DDX19A: variants seen among roughly 807,000 people sequenced by gnomAD.
DDX19A encodes ATP-dependent RNA helicase DDX19A.
Under a neutral mutation model 60.6 loss-of-function variants are expected in DDX19A, and 12 were observed. The observed-to-expected ratio is 0.20, with a 90% CI of 0.13 to 0.32. The LOEUF is 0.32. Among genes scored for constraint, DDX19A ranks in the 10% least tolerant of loss-of-function variants. DDX19A has a pLI of 1.00. For synonymous variants in DDX19A, 206 were observed against 218.2 expected (o/e 0.94, Z 0.49); for missense variants, 337 against 600.6 (o/e 0.56, Z 4.59).
At chr16:70,357,366 G>GTTGTTTTTTTTTTTTTTTTTTTTTTTT (rs1964236868) in intron 4 of DDX19A, among the ~76,000 whole-genome samples, 1 of 44,596 alleles carries the variant, frequency 2.2e-5, no homozygotes, top group African/African-American at 8.9e-5. Flanking sequence ...TTTTTGGTTT[G>GTTGTTTTTTTTTTTTTTTTTTTTTTTT]TTTTTTTTTT....
intron 5 of DDX19A, among the ~76,000 whole-genome samples, chr16:70,362,027 T>G (rs1239558556): frequency 6.7e-6 from 1 of 149,850 alleles, no homozygotes; most frequent in African/African-American, 2.5e-5. Context: ...AAAAAAAAAA[T>G]ATCCAGGCCT....
intron 8 of DDX19A, 88 bp downstream of exon 8, chr16:70,366,350 C>G: frequency 6.4e-7 from 1 of 1,568,908 alleles, no homozygotes; most frequent in South Asian, 1.1e-5. Context: ...TGGCTTCTGC[C>G]TGGGTCTTGG....
intron 2 of DDX19A, among the ~76,000 whole-genome samples, chr16:70,353,899 T>TG (rs1423444211): frequency 8.6e-6 from 1 of 116,730 alleles, no homozygotes; most frequent in African/African-American, 4.2e-5. Context: ...AGACTCTGTC[T>TG]CAAAAAAAAA....
At chr16:70,370,079 C>G in intron 9 of DDX19A, 144 bp from the exon 10 acceptor site, 1 of 1,189,312 alleles carries the variant, frequency 8.4e-7, no homozygotes, top group Non-Finnish European at 1.1e-6. Context: ...CACCTGTACT[C>G]CCAGCCCTTT....
At chr16:70,357,571 A>G (rs1348372433) in intron 4 of DDX19A, among the ~76,000 whole-genome samples, 1 of 151,314 alleles carries the variant, frequency 6.6e-6, no homozygotes, top group Non-Finnish European at 1.5e-5. Context: ...TTTTTAGAAG[A>G]GACAGGGTTT....
intron 5 of DDX19A, 72 bp downstream of exon 5, chr16:70,361,582 C>A: frequency 7.8e-7 from 1 of 1,275,974 alleles, no homozygotes; most frequent in Non-Finnish European, 1.1e-6. Context: ...GTTTTTGTGC[C>A]TGAGAACAGA....
intron 1 of DDX19A, among the ~76,000 whole-genome samples, chr16:70,348,982 T>A (rs995777802): frequency 6.6e-6 from 1 of 152,114 alleles, no homozygotes; most frequent in African/African-American, 2.4e-5. Flanking sequence ...CAGGTTTGGC[T>A]GTTCTGAATT....
intron 10 of DDX19A, 71 bp downstream of exon 10, chr16:70,370,456 T>C: frequency 8.3e-6 from 13 of 1,565,058 alleles, no homozygotes; most frequent in Non-Finnish European, 1.1e-5. Flanking sequence ...CCAGAAATCC[T>C]TGTATACAGG....
In DDX19A at chr16:70,350,471, C is replaced by A. The variant is rs1963976857; in HGVS notation, c.58-86C>A. 16 of 1,002,032 alleles carry A rather than the reference C, an allele frequency of 1.6e-5. No homozygotes were observed. In the South Asian group the frequency reaches 2.2e-4, roughly 14 times the overall value. 62.1% of individuals were successfully genotyped at this position (1,002,032 alleles called of 1,614,324 possible). A position where few individuals can be genotyped will look rare whatever the true frequency, so the allele number is the denominator to read the frequency against. ...CTGGTGCTGAAAGTTTCACACTAGA[C>A]TTTTACTAGAAAGTTTTTCTTTTCT... On this transcript the variant is annotated intron_variant, in intron 1 of 11. Transcript: ENST00000302243.
At chr16:70,364,958 C>A in intron 6 of DDX19A, 59 bp from the exon 7 acceptor site, 1 of 1,319,666 alleles carries the variant, frequency 7.6e-7, no homozygotes. Context: ...ATACTGGGTG[C>A]CTTCAGGTCT....
chr16:70,350,439 C>A, intron 1 of DDX19A, 118 bp from the exon 2 acceptor site: 1 of 638,468 alleles, frequency 1.6e-6, no homozygotes. Flanking sequence ...AACCGACTCC[C>A]TGAATACTGG....
intron 2 of DDX19A, among the ~76,000 whole-genome samples, chr16:70,354,726 T>C (rs1283779846): frequency 6.6e-6 from 1 of 152,216 alleles, no homozygotes; most frequent in East Asian, 1.9e-4. Flanking sequence ...GAGGATTACT[T>C]GAGGCCAGGA....
chr16:70,356,726 A>T, intron 4 of DDX19A: 1 of 308,786 alleles, frequency 3.2e-6, no homozygotes, highest in Non-Finnish European at 5.8e-6. Flanking sequence ...GTATGAAAAA[A>T]TTTGCAGTAT....
At chr16:70,361,551 G>A (rs755444800) in intron 5 of DDX19A, 41 bp downstream of exon 5, 1 of 1,526,870 alleles carries the variant, frequency 6.5e-7, no homozygotes, top group East Asian at 2.3e-5. Flanking sequence ...AGTGTGATTA[G>A]ATCAATCTTC....
rs528217585 is a variant in DDX19A at position 70,372,988 on chromosome 16, G to A, written c.*1002G>A. 16 of 152,266 alleles carry A rather than the reference G, an allele frequency of 1.1e-4. No homozygotes were observed. The highest frequency in any genetic ancestry group is 1.9e-4 in the East Asian group (1 of 5,180). 9.4% of individuals were successfully genotyped at this position (152,266 alleles called of 1,614,324 possible). A position where few individuals can be genotyped will look rare whatever the true frequency, so the allele number is the denominator to read the frequency against. The stretch of plus-strand genomic sequence containing the variant: ...TGGCTCATGCCTATAATCCCAGCAC[G>A]TTGGGAGGCTGAGGCGGGCGGATCG... On this transcript the variant is annotated 3_prime_UTR_variant, in exon 12 of 12. Coordinates refer to ENST00000302243, the MANE Select transcript of DDX19A (RefSeq NM_018332.5).
intron 9 of DDX19A, among the ~76,000 whole-genome samples, chr16:70,367,707 G>T (rs1015686117): frequency 6.6e-6 from 1 of 151,356 alleles, no homozygotes; most frequent in Non-Finnish European, 1.5e-5. Flanking sequence ...GAGAAACCTC[G>T]TCTCTACTAA....
intron 4 of DDX19A, among the ~76,000 whole-genome samples, chr16:70,359,286 C>G (rs545748643): frequency 6.6e-6 from 1 of 152,104 alleles, no homozygotes; most frequent in African/African-American, 2.4e-5. Context: ...CAGAAGCTGC[C>G]GAGTGTCACA....
At position 70,364,532 on chromosome 16, in the gene DDX19A, C is replaced by T. The variant is rs1054699174; in HGVS notation, c.387-11C>T. On this transcript the variant is annotated splice_polypyrimidine_tract_variant and intron_variant, in intron 5 of 11. Coordinates refer to ENST00000302243, the MANE Select transcript of DDX19A (RefSeq NM_018332.5). ...CAATTTAAGTTTCATTTCTGTTCTTCCTTGATCCAGCCCACAGAATCTGAT... is the reference window on the plus strand; with the variant it reads ...CAATTTAAGTTTCATTTCTGTTCTTTCTTGATCCAGCCCACAGAATCTGAT... The T allele has an allele frequency of 9.4e-6, 15 of 1,602,104 alleles. No homozygotes were observed. The highest frequency in any genetic ancestry group is 1.2e-5 in the Non-Finnish European group (14 of 1,169,412).
At chr16:70,364,904 G>A in intron 6 of DDX19A, 113 bp from the exon 7 acceptor site, 3 of 839,630 alleles carry the variant, frequency 3.6e-6, no homozygotes, top group East Asian at 2.5e-5. Flanking sequence ...GCCTGGATGG[G>A]AGGACATGCT....
Sources: allele counts gnomAD v4.1 joint callset (sites outside exome capture counted in the v4.1 genomes callset), GRCh38; gene constraint gnomAD v4.1.1; transcripts MANE v1.5; gene names NCBI Gene and HGNC (gene_info 2026-07-23, HGNC 2026-07-21).